TRIP12: variants seen among roughly 807,000 people sequenced by gnomAD.
TRIP12 encodes E3 ubiquitin-protein ligase TRIP12.
TRIP12 carries 25 observed loss-of-function variants against 244.2 expected under a neutral mutation model. The observed-to-expected ratio is 0.10, with a 90% CI of 0.07 to 0.14. The LOEUF is 0.14. Among genes scored for constraint, TRIP12 ranks in the 10% least tolerant of loss-of-function variants. The pLI, the probability that TRIP12 is intolerant of heterozygous loss-of-function variation, is 1.00. For missense variants in TRIP12, 1,677 were observed against 2,486.4 expected (o/e 0.67, Z 6.92); for synonymous variants, 905 against 873.1 (o/e 1.04, Z -0.64).
chr2:229,867,689 A>G (rs2061819567), intron 2 of TRIP12, among the ~76,000 whole-genome samples: 1 of 152,166 alleles, frequency 6.6e-6, no homozygotes, highest in Non-Finnish European at 1.5e-5. Context: ...AAGACTGGGA[A>G]AGCTTTTTAA....
At chr2:229,805,140 C>T (rs1335898701) in intron 18 of TRIP12, among the ~76,000 whole-genome samples, 2 of 151,984 alleles carry the variant, frequency 1.3e-5, no homozygotes, top group Non-Finnish European at 2.9e-5. Flanking sequence ...CTCCTGACCT[C>T]GTGATCTGCC....
At chr2:229,907,492 A>G (rs749566787) in intron 1 of TRIP12, among the ~76,000 whole-genome samples, 1 of 152,182 alleles carries the variant, frequency 6.6e-6, no homozygotes, top group Non-Finnish European at 1.5e-5. Context: ...TTTCAGATGC[A>G]AAGGAAAGGA....
intron 1 of TRIP12, among the ~76,000 whole-genome samples, chr2:229,886,153 C>A (rs2065959661): frequency 6.6e-6 from 1 of 152,100 alleles, no homozygotes; most frequent in Non-Finnish European, 1.5e-5. Context: ...ACAAAATCAG[C>A]AGTTTTGTAT....
chr2:229,892,737 G>A (rs1004295527), intron 1 of TRIP12, among the ~76,000 whole-genome samples: 7 of 151,996 alleles, frequency 4.6e-5, no homozygotes, highest in South Asian at 4.2e-4. Context: ...ATGGTAGTGC[G>A]CATCTCTAGT....
intron 5 of TRIP12, 22 bp from the exon 6 acceptor site, chr2:229,837,006 ATGGGC>A (rs2055001267): frequency 6.6e-7 from 1 of 1,511,822 alleles, no homozygotes; most frequent in South Asian, 1.3e-5. Flanking sequence ...AAATGTCATC[ATGGGC>A]AGCATTACCA....
intron 19 of TRIP12, 129 bp downstream of exon 19, chr2:229,803,870 C>T (rs765282477): frequency 7.8e-6 from 7 of 902,338 alleles, no homozygotes; most frequent in African/African-American, 5.1e-5. Flanking sequence ...TATAAATAGA[C>T]AAAAAAGAGC....
In TRIP12 at chr2:229,799,323, C is replaced by G; in HGVS notation, c.3267G>C (p.Lys1089Asn). The G allele has an allele frequency of 6.2e-7, 1 of 1,614,148 alleles. No individual in the cohort carries two copies. Among genetic ancestry groups the G allele is most frequent in the East Asian group, 2.2e-5 (1 of 44,872 alleles). ...TGTCATCATCTCTTGGAGGTGAGTA[C>G]TTTGGCCTTCTTGGCCCTCGTTTTG... is the stretch of plus-strand genomic sequence containing the variant. ...RLPKRGPRRP[K>N]YSPPRDDDKV... The change falls in exon 22 of 42, where the codon AAG (lysine) becomes AAC (asparagine). Residue 1089 changes from lysine (K) to asparagine (N), a missense_variant. By Grantham distance (94) the Lys-to-Asn change is moderately conservative. This residue lies in a region of TRIP12 where 572 missense variants were observed against 867.8 expected (regional missense o/e 0.66). Coordinates refer to ENST00000675903, the MANE Select transcript of TRIP12 (RefSeq NM_001348323.3).
At chr2:229,906,181 T>G (rs1410049177) in intron 1 of TRIP12, among the ~76,000 whole-genome samples, 1 of 151,558 alleles carries the variant, frequency 6.6e-6, no homozygotes, top group Non-Finnish European at 1.5e-5. Flanking sequence ...GGCACACGCC[T>G]GTGATCCCAG....
At chr2:229,890,230 C>A (rs2067004666) in intron 1 of TRIP12, among the ~76,000 whole-genome samples, 1 of 152,076 alleles carries the variant, frequency 6.6e-6, no homozygotes, top group Non-Finnish European at 1.5e-5. Flanking sequence ...CAGGCACGCA[C>A]CACCACACCC....
intron 26 of TRIP12, 101 bp downstream of exon 26, chr2:229,795,078 C>CT: frequency 7.3e-7 from 1 of 1,369,706 alleles, no homozygotes; most frequent in East Asian, 2.4e-5. Flanking sequence ...TGAATGTTTT[C>CT]TGGGCCAATC....
chr2:229,861,331 G>A (rs919998363), intron 2 of TRIP12, among the ~76,000 whole-genome samples: 1 of 152,036 alleles, frequency 6.6e-6, no homozygotes, highest in South Asian at 2.1e-4. Flanking sequence ...TTAGACCTTG[G>A]GGAATGGTTA....
chr2:229,885,445 A>G (rs958751842), intron 1 of TRIP12, among the ~76,000 whole-genome samples: 9 of 152,204 alleles, frequency 5.9e-5, no homozygotes, highest in Non-Finnish European at 1.0e-4. Context: ...CAAAATTAGT[A>G]CCCTGCATGA....
chr2:229,769,173 A>T, intron 40 of TRIP12, 58 bp downstream of exon 40: 1 of 1,493,828 alleles, frequency 6.7e-7, no homozygotes, highest in Non-Finnish European at 9.2e-7. Flanking sequence ...GTGTACACAC[A>T]CACCCCTCTC....
intron 33 of TRIP12, among the ~76,000 whole-genome samples, chr2:229,787,226 G>C (rs916888898): frequency 3.3e-5 from 5 of 152,092 alleles, no homozygotes; most frequent in Non-Finnish European, 7.4e-5. Flanking sequence ...AGTGAGAGAA[G>C]ACAAGATTCT....
chr2:229,868,361 C>G (rs1215615594), intron 2 of TRIP12, among the ~76,000 whole-genome samples: 1 of 152,126 alleles, frequency 6.6e-6, no homozygotes, highest in Non-Finnish European at 1.5e-5. Context: ...ACGACCACAC[C>G]TGGCTAATTT....
At position 229,818,245 on chromosome 2, in the gene TRIP12, CTCTCT is replaced by C. The variant is rs2049002670; in HGVS notation, c.1599+114_1599+118del. The C allele has an allele frequency of 4.5e-6, 5 of 1,101,068 alleles. No individual in the cohort carries two copies. In the East Asian group the frequency reaches 1.3e-4, roughly 28 times the overall value. The allele number at this position is 1,101,068 out of a possible 1,614,324, so 68.2% of individuals were successfully genotyped here. On this transcript the variant is annotated intron_variant, in intron 9 of 41. Coordinates refer to ENST00000675903, the MANE Select transcript of TRIP12 (RefSeq NM_001348323.3). ...AATACAAGCACCAAGTCATATACTC[CTCTCT>C]TAACTCTATCATGTTTTAAAAATTA...
rs528689800 is a variant in TRIP12, at chr2:229,807,071, T to A, written c.2496+637A>T. On this transcript the variant is annotated intron_variant, in intron 17 of 41. Transcript: ENST00000675903. ...TAAGGAAGTAAAAATAAAAATCACA[T>A]AAAACTGTCACAGAAAATCACTGTC... is the stretch of plus-strand genomic sequence containing the variant. Among the ~76,000 whole-genome samples, 9 of 152,316 alleles carry A rather than the reference T, an allele frequency of 5.9e-5. No individual in the cohort carries two copies. In the South Asian group the frequency reaches 1.9e-3, roughly 32 times the overall value.
intron 1 of TRIP12, among the ~76,000 whole-genome samples, chr2:229,884,724 T>C (rs1387686189): frequency 1.3e-5 from 2 of 152,170 alleles, no homozygotes; most frequent in African/African-American, 4.8e-5. Flanking sequence ...TCTCTGCTGC[T>C]GGGAGGCTAA....
chr2:229,774,287 T>C (rs759271228), intron 37 of TRIP12, 26 bp from the exon 38 acceptor site: 21 of 1,586,432 alleles, frequency 1.3e-5, no homozygotes, highest in African/African-American at 4.1e-5. Flanking sequence ...GGGGGAGAAA[T>C]GGTGTCAAGC....
Sources: allele counts gnomAD v4.1 joint callset (sites outside exome capture counted in the v4.1 genomes callset), GRCh38; gene constraint gnomAD v4.1.1; regional missense constraint gnomAD v4.1.1; transcripts MANE v1.5; gene names NCBI Gene and HGNC (gene_info 2026-07-23, HGNC 2026-07-21).